SLC39A11: variants seen among roughly 807,000 people sequenced by gnomAD.
The protein encoded by SLC39A11 is zinc transporter ZIP11.
SLC39A11 carries 33 observed loss-of-function variants against 36.1 expected under a neutral mutation model. The observed-to-expected ratio is 0.91, with a 90% confidence interval of 0.69 to 1.22. The LOEUF (loss-of-function observed/expected upper bound fraction) is 1.22, where lower values mean the gene tolerates loss of function less well. Among genes scored for constraint, SLC39A11 ranks in the 50% most tolerant of loss-of-function variants. The probability of loss-of-function intolerance (pLI) is 0.00; values close to 1 mark genes in which losing one functional copy is unlikely to be tolerated. For missense variants in SLC39A11, 432 were observed against 430.3 expected, an observed-to-expected ratio of 1.00 and a Z score of -0.03; for synonymous variants, 166 against 170.3, an observed-to-expected ratio of 0.97 and a Z score of 0.20.
At chr17:72,864,122 T>C (rs1456478141) in intron 5 of SLC39A11, among the ~76,000 whole-genome samples, 1 of 152,234 alleles carries the variant, frequency 6.6e-6, no homozygotes, top group Admixed American at 6.5e-5. Flanking sequence ...TAAGACTGCA[T>C]TGGCTTTGCC....
At chr17:72,987,039 G>A (rs1476306147) in intron 4 of SLC39A11, among the ~76,000 whole-genome samples, 4 of 152,154 alleles carry the variant, frequency 2.6e-5, no homozygotes, top group Non-Finnish European at 5.9e-5. Flanking sequence ...TTTGGGTCAC[G>A]GGAGCAGATC....
chr17:73,086,020 G>A (rs745888224), intron 2 of SLC39A11, among the ~76,000 whole-genome samples: 4 of 152,128 alleles, frequency 2.6e-5, no homozygotes, highest in East Asian at 1.9e-4. Flanking sequence ...AGAACAGTAC[G>A]TACTATATGA....
chr17:73,007,901 G>A (rs1170283879), intron 4 of SLC39A11, among the ~76,000 whole-genome samples: 50 of 152,022 alleles, frequency 3.3e-4, no homozygotes, highest in Admixed American at 3.2e-3. Flanking sequence ...TCAGGAGTTC[G>A]AGACCAGCCT....
chr17:72,757,518 G>A (rs2075400047), intron 6 of SLC39A11, among the ~76,000 whole-genome samples: 1 of 151,888 alleles, frequency 6.6e-6, no homozygotes, highest in Admixed American at 6.6e-5. Flanking sequence ...CGAGAGGACA[G>A]TTTCGGTTGT....
chr17:72,952,130 T>C (rs2085907099), intron 4 of SLC39A11, among the ~76,000 whole-genome samples: 2 of 152,186 alleles, frequency 1.3e-5, no homozygotes, highest in South Asian at 2.1e-4. Context: ...GGGTCAGCTA[T>C]GCAGCGTGGG....
chr17:72,892,409 CAAAAAAAAAA>C (rs565811065), intron 5 of SLC39A11, among the ~76,000 whole-genome samples: 2 of 65,664 alleles, frequency 3.0e-5, no homozygotes, highest in African/African-American at 1.1e-4. Context: ...GACTCCATCT[CAAAAAAAAAA>C]AAAAAAAATC....
chr17:72,692,513 A>G (rs932762601), intron 7 of SLC39A11, among the ~76,000 whole-genome samples: 3 of 152,210 alleles, frequency 2.0e-5, no homozygotes, highest in Non-Finnish European at 2.9e-5. Context: ...CAGCAAGAGA[A>G]AATGAGGAAG....
intron 6 of SLC39A11, among the ~76,000 whole-genome samples, chr17:72,793,526 T>C (rs577275532): frequency 4.6e-5 from 7 of 152,132 alleles, no homozygotes; most frequent in East Asian, 1.9e-4. Context: ...AATAGAGAAA[T>C]AGACAGGGAG....
intron 5 of SLC39A11, among the ~76,000 whole-genome samples, chr17:72,905,461 G>A (rs149268890): frequency 0.014 from 2,110 of 151,974 alleles, 28 homozygotes; most frequent in Non-Finnish European, 0.021. Context: ...CCCAGGTGTG[G>A]TGGCACATGC....
intron 6 of SLC39A11, among the ~76,000 whole-genome samples, chr17:72,765,068 G>A (rs56167164): frequency 0.017 from 2,613 of 152,256 alleles, 71 homozygotes; most frequent in African/African-American, 0.058. Flanking sequence ...TAAAGCTAGT[G>A]AAGGATCATC....
chr17:73,082,224 C>A (rs8068237), intron 3 of SLC39A11, among the ~76,000 whole-genome samples: 118,003 of 150,792 alleles, frequency 0.78, 46,272 homozygotes, highest in East Asian at 0.88. Context: ...TAAATGCTTA[C>A]ATAACAATTT....
rs1174297357 is a variant in SLC39A11 at position 73,035,863 on chromosome 17, CAAAAAAAA to C, written c.148-4157_148-4150del. On this transcript the variant is annotated intron_variant, in intron 3 of 9. Transcript: ENST00000255559. ...TGGGTGACAGAGCGACACTCCATCT[CAAAAAAAA>C]AAAAAAAAAAAAAAAAGAAGGGTCA... is the stretch of plus-strand genomic sequence containing the variant. 9.2e-5 allele frequency among the ~76,000 whole-genome samples: 6 copies of C among 65,550 alleles called. No homozygotes were observed. In the East Asian group the frequency reaches 1.5e-3, roughly 16 times the overall value. The allele number at this position is 65,550 out of a possible 152,430, so 43.0% of individuals were successfully genotyped here. A position where few individuals can be genotyped will look rare whatever the true frequency, so the allele number is the denominator to read the frequency against.
At chr17:72,757,345 G>A (rs1447541834) in intron 6 of SLC39A11, among the ~76,000 whole-genome samples, 1 of 152,098 alleles carries the variant, frequency 6.6e-6, no homozygotes, top group Admixed American at 6.5e-5. Context: ...CCCTGAAGAT[G>A]GTGGCCCCCT....
At chr17:72,850,590 G>A (rs978167082) in intron 5 of SLC39A11, among the ~76,000 whole-genome samples, 12 of 152,216 alleles carry the variant, frequency 7.9e-5, no homozygotes, top group Admixed American at 7.9e-4. Flanking sequence ...GTCATGATTA[G>A]AGACACAGAT....
intron 4 of SLC39A11, among the ~76,000 whole-genome samples, chr17:73,012,228 A>T (rs988115452): frequency 1.4e-4 from 22 of 152,026 alleles, no homozygotes; most frequent in African/African-American, 5.3e-4. Flanking sequence ...GTGAGCCAAG[A>T]TCATGCCACT....
chr17:72,842,611 A>T (rs1475835306), intron 6 of SLC39A11, among the ~76,000 whole-genome samples: 2 of 152,214 alleles, frequency 1.3e-5, no homozygotes, highest in African/African-American at 4.8e-5. Context: ...TTCAATCTGT[A>T]TGATACTGCA....
chr17:73,010,175 C>T (rs74684526), intron 4 of SLC39A11, among the ~76,000 whole-genome samples: 6,652 of 152,150 alleles, frequency 0.044, 189 homozygotes, highest in East Asian at 0.071. Context: ...ACCCCAAGAG[C>T]TTCTGAGGCA....
Position 72,733,276 on chromosome 17 carries a change from G to T in SLC39A11, c.671+3374C>A, listed in dbSNP as rs536435103. 1.3e-4 allele frequency among the ~76,000 whole-genome samples: 20 copies of T among 152,262 alleles called. 1 individual carries two copies. In the South Asian group the frequency reaches 3.9e-3, roughly 30 times the overall value. On this transcript the variant is annotated intron_variant, in intron 7 of 9. Coordinates refer to ENST00000255559, the MANE Select transcript of SLC39A11 (RefSeq NM_139177.4). ...TAGTAAAAACCATGTTTACTAGTTT[G>T]TTTGTTTGTGGTGGGACATCCATGT...
intron 6 of SLC39A11, among the ~76,000 whole-genome samples, chr17:72,752,936 G>A (rs898205388): frequency 6.6e-6 from 1 of 152,126 alleles, no homozygotes; most frequent in African/African-American, 2.4e-5. Flanking sequence ...GCTCACTGCA[G>A]CCTTGACCTC....
Sources: allele counts gnomAD v4.1 joint callset (sites outside exome capture counted in the v4.1 genomes callset), GRCh38; gene constraint gnomAD v4.1.1; transcripts MANE v1.5; gene names NCBI Gene and HGNC (gene_info 2026-07-23, HGNC 2026-07-21).